The following FRK variants were observed in gnomAD, a reference collection of about 807,000 sequenced individuals.
FRK encodes fyn related Src family tyrosine kinase.
Under a neutral mutation model 56.4 loss-of-function variants are expected in FRK, and 51 were observed. The observed-to-expected ratio is 0.90, with a 90% CI of 0.72 to 1.14. The LOEUF is 1.14. Ranked by LOEUF, FRK falls within the 50% of genes most tolerant of loss-of-function variation. The probability of loss-of-function intolerance (pLI) is 0.00; values close to 1 mark genes in which losing one functional copy is unlikely to be tolerated. For synonymous variants in FRK, 245 were observed against 217.9 expected, an observed-to-expected ratio of 1.12 and a Z score of -1.10; for missense variants, 570 against 601.4, an observed-to-expected ratio of 0.95 and a Z score of 0.55.
the FRK span, among the ~76,000 whole-genome samples, chr6:116,091,764 C>A: frequency 6.6e-6 from 1 of 152,166 alleles, no homozygotes; most frequent in African/African-American, 2.4e-5. Flanking sequence ...TCTCTGACAA[C>A]CCCCGGCTCT....
chr6:116,097,894 T>C, the FRK span, among the ~76,000 whole-genome samples: 1 of 152,152 alleles, frequency 6.6e-6, no homozygotes, highest in East Asian at 1.9e-4. Flanking sequence ...ATGGCAAATA[T>C]TTCCTACATT....
At position 115,944,333 on chromosome 6, in the gene FRK, T is replaced by C; in HGVS notation, c.1051A>G (p.Ile351Val). 6.2e-7 allele frequency: 1 copy of C among 1,613,174 alleles called. No individual in the cohort carries two copies. Among genetic ancestry groups the C allele is most frequent in the Non-Finnish European group, 8.5e-7 (1 of 1,179,628 alleles). The change falls in exon 6 of 8, where the codon ATT becomes GTT. Residue 351 changes from isoleucine (I) to valine (V), a missense_variant. Ile to Val is a conservative substitution (Grantham distance 29). Coordinates refer to ENST00000606080, the MANE Select transcript of FRK (RefSeq NM_002031.3). ...TTTCTGGCAGCCAGATCTCTGTGAA[T>C]GTAGTTCCGAGACTCCAGATAGGCC... ...GMAYLESRNY[I>V]HRDLAARNVL...
At chr6:115,959,834 G>C (rs1278031447) in intron 4 of FRK, among the ~76,000 whole-genome samples, 1 of 152,112 alleles carries the variant, frequency 6.6e-6, no homozygotes, top group Non-Finnish European at 1.5e-5. Flanking sequence ...GCAGAGCCAG[G>C]TTTAAACACA....
chr6:116,039,030 T>C lies in FRK; in HGVS notation c.344+20938A>G. 6.7e-6 allele frequency: 5 copies of C among 747,744 alleles called. No individual in the cohort carries two copies. In the South Asian group the frequency reaches 6.7e-5, roughly 10 times the overall value. The allele number at this position is 747,744 out of a possible 1,614,324, so 46.3% of individuals were successfully genotyped here. A position where few individuals can be genotyped will look rare whatever the true frequency, so the allele number is the denominator to read the frequency against. On this transcript the variant is annotated intron_variant, in intron 1 of 7. Transcript: ENST00000606080. ...AGACTGCAAAGCCAATCGAGGGTCC[T>C]GGGGCACTCAGAGAGTAGGCATGTC...
chr6:115,969,470 C>T (rs1443755926), intron 2 of FRK, among the ~76,000 whole-genome samples: 1 of 152,050 alleles, frequency 6.6e-6, no homozygotes, highest in African/African-American at 2.4e-5. Flanking sequence ...TTACTGTTGC[C>T]GCCCACCTAC....
chr6:116,082,963 C>T, the FRK span, among the ~76,000 whole-genome samples: 1 of 151,888 alleles, frequency 6.6e-6, no homozygotes, highest in Non-Finnish European at 1.5e-5. Context: ...AGACAAGGAA[C>T]CATCAAGACA....
chr6:115,961,653 G>A (rs1462109209), intron 4 of FRK, among the ~76,000 whole-genome samples: 8 of 67,664 alleles, frequency 1.2e-4, no homozygotes, highest in African/African-American at 4.1e-4. Flanking sequence ...GAGAAAGGTC[G>A]GGTTACCCTC....
chr6:116,046,454 A>G (rs1776966514), intron 1 of FRK, among the ~76,000 whole-genome samples: 1 of 152,208 alleles, frequency 6.6e-6, no homozygotes, highest in South Asian at 2.1e-4. Flanking sequence ...TGCAGCCATA[A>G]AAAAGGATGA....
chr6:115,947,835 C>A (rs1405298897), intron 5 of FRK, among the ~76,000 whole-genome samples: 1 of 152,040 alleles, frequency 6.6e-6, no homozygotes, highest in Non-Finnish European at 1.5e-5. Context: ...GCTATGATAG[C>A]CAAAATAGCT....
intron 1 of FRK, 66 bp downstream of exon 1, chr6:116,059,902 G>A: frequency 7.4e-7 from 1 of 1,350,930 alleles, no homozygotes; most frequent in African/African-American, 1.5e-5. Flanking sequence ...TAGAGAAGTA[G>A]AAAGGAAAAC....
chr6:116,084,949 A>G, the FRK span, among the ~76,000 whole-genome samples: 1 of 152,292 alleles, frequency 6.6e-6, no homozygotes, highest in African/African-American at 2.4e-5. Context: ...GGTTCATTAG[A>G]TTTTAGATAC....
At chr6:115,990,666 C>G (rs565233442) in intron 2 of FRK, among the ~76,000 whole-genome samples, 2 of 151,726 alleles carry the variant, frequency 1.3e-5, no homozygotes, top group South Asian at 4.1e-4. Context: ...TTCTGTTGTA[C>G]TTATTATAGC....
intron 1 of FRK, among the ~76,000 whole-genome samples, chr6:116,053,408 T>C (rs1339619039): frequency 6.6e-6 from 1 of 152,166 alleles, no homozygotes; most frequent in Non-Finnish European, 1.5e-5. Context: ...GCACAGCATA[T>C]AGTAGCTGCT....
intron 2 of FRK, among the ~76,000 whole-genome samples, chr6:115,996,194 A>G (rs1241312291): frequency 1.3e-5 from 2 of 152,106 alleles, no homozygotes; most frequent in Non-Finnish European, 2.9e-5. Context: ...TGGGACATAC[A>G]ATTGTCTTTA....
intron 4 of FRK, among the ~76,000 whole-genome samples, chr6:115,959,918 C>G (rs1030728404): frequency 1.3e-5 from 2 of 151,994 alleles, no homozygotes; most frequent in Non-Finnish European, 2.9e-5. Context: ...GTTCGTGGAA[C>G]CCTTAGTGTC....
intron 4 of FRK, among the ~76,000 whole-genome samples, chr6:115,958,499 G>A (rs984431804): frequency 2.6e-5 from 4 of 151,530 alleles, no homozygotes; most frequent in African/African-American, 4.9e-5. Flanking sequence ...ATGGTGTCAG[G>A]TGCCTGTAAT....
At chr6:116,011,235 T>C (rs1189827028) in intron 1 of FRK, among the ~76,000 whole-genome samples, 6 of 152,252 alleles carry the variant, frequency 3.9e-5, no homozygotes, top group African/African-American at 9.6e-5. Flanking sequence ...TAGAATCTTA[T>C]TGTGCCTCAC....
At chr6:116,045,954 C>A (rs1776938245) in intron 1 of FRK, among the ~76,000 whole-genome samples, 2 of 150,962 alleles carry the variant, frequency 1.3e-5, no homozygotes, top group Admixed American at 1.3e-4. Flanking sequence ...AAGAAAAAAA[C>A]AAACAACCCC....
At chr6:115,998,023 C>T (rs1774909459) in intron 2 of FRK, among the ~76,000 whole-genome samples, 1 of 152,154 alleles carries the variant, frequency 6.6e-6, no homozygotes, top group Admixed American at 6.5e-5. Context: ...AGTCTTTATC[C>T]CCAGTCCTTG....
Sources: gnomAD v4.1 joint callset for allele counts (sites outside exome capture counted in the v4.1 genomes callset) on GRCh38, gnomAD v4.1.1 for gene constraint, MANE v1.5 for transcripts, NCBI Gene and HGNC (gene_info 2026-07-23, HGNC 2026-07-21) for gene names.